Variants in CEP85 observed in about 807,000 individuals in gnomAD.
The protein encoded by CEP85 is centrosomal protein 85.
A neutral mutation model predicts 93.7 loss-of-function variants in CEP85; 58 were observed. The observed-to-expected ratio is 0.62, with a 90% CI of 0.50 to 0.77. The LOEUF is 0.77. Among genes scored for constraint, CEP85 ranks in the 30% least tolerant of loss-of-function variants. The pLI is 0.00. For synonymous variants in CEP85, 314 were observed against 338.6 expected, an observed-to-expected ratio of 0.93 and a Z score of 0.80; for missense variants, 868 against 922.0, an observed-to-expected ratio of 0.94 and a Z score of 0.76.
At chr1:26,264,808 G>GT (rs1473895945) in intron 7 of CEP85, among the ~76,000 whole-genome samples, 4 of 151,648 alleles carry the variant, frequency 2.6e-5, no homozygotes, top group Non-Finnish European at 4.4e-5. Context: ...TCTATACATA[G>GT]TTTTTTTTGT....
At chr1:26,260,320 G>A (rs976003057) in intron 7 of CEP85, among the ~76,000 whole-genome samples, 5 of 152,144 alleles carry the variant, frequency 3.3e-5, no homozygotes, top group South Asian at 2.1e-4. Flanking sequence ...GTGAAACCCC[G>A]TCTCTACTAA....
At position 26,258,182 on chromosome 1, in the gene CEP85, A is replaced by C; in HGVS notation, c.1077A>C (p.Arg359=). ...TCTCTCAGCTGGAGCAGAAAGTGCG[A>C]GAGAGCGAACTGCAAGTCCACAGTG... ...KHISQLEQKV[R]ESELQVHSAL... The change falls in exon 6 of 14, where the codon CGA becomes CGC. Residue 359 remains arginine (R), a synonymous_variant. Transcript: ENST00000451429. 6.2e-7 allele frequency: 1 copy of C among 1,614,178 alleles called. No homozygotes were observed. The highest frequency in any genetic ancestry group is 1.7e-5 in the Admixed American group (1 of 60,024).
At chr1:26,273,322 G>A (rs1189400983) in intron 11 of CEP85, among the ~76,000 whole-genome samples, 3 of 152,166 alleles carry the variant, frequency 2.0e-5, no homozygotes, top group African/African-American at 7.2e-5. Flanking sequence ...CACCCGAAAT[G>A]CACTCGTTTT....
At chr1:26,245,417 T>A (rs1243861282) in intron 3 of CEP85, among the ~76,000 whole-genome samples, 1 of 152,090 alleles carries the variant, frequency 6.6e-6, no homozygotes, top group African/African-American at 2.4e-5. Flanking sequence ...TCCTCTTGCC[T>A]TTCCTAGCTA....
intron 7 of CEP85, among the ~76,000 whole-genome samples, chr1:26,264,655 A>G (rs981328812): frequency 6.6e-6 from 1 of 152,188 alleles, no homozygotes; most frequent in African/African-American, 2.4e-5. Flanking sequence ...GGAATGCTCA[A>G]ATGTCAATCT....
chr1:26,277,179 G>A lies in CEP85; in HGVS notation c.2172G>A (p.Val724=), dbSNP rs2090066088. ...ETQLDLQKPD[V]IKRKLEEVQQ... ...AGCTAGATTTGCAGAAGCCAGATGT[G>A]ATCAAGAGGAAACTAGAAGAGGTTC... Residue 724 remains valine, a synonymous_variant, in exon 14 of 14, where the codon GTG becomes GTA. Coordinates refer to ENST00000451429, the MANE Select transcript of CEP85 (RefSeq NM_001319944.2). 1 of 1,614,054 alleles carries A rather than the reference G, an allele frequency of 6.2e-7. No individual in the cohort carries two copies. Among genetic ancestry groups the A allele is most frequent in the Non-Finnish European group, 8.5e-7 (1 of 1,180,004 alleles).
intron 3 of CEP85, among the ~76,000 whole-genome samples, chr1:26,251,957 G>C (rs568314751): frequency 6.6e-6 from 1 of 152,340 alleles, no homozygotes; most frequent in Non-Finnish European, 1.5e-5. Flanking sequence ...TTATGGTTAA[G>C]CACGGTGGCT....
intron 3 of CEP85, among the ~76,000 whole-genome samples, chr1:26,252,146 G>A (rs1190464541): frequency 1.3e-5 from 2 of 152,054 alleles, no homozygotes; most frequent in Non-Finnish European, 2.9e-5. Context: ...CAGAAGAGTC[G>A]CTTGAACCCA....
chr1:26,260,416 G>A (rs1323769782), intron 7 of CEP85, among the ~76,000 whole-genome samples: 1 of 151,902 alleles, frequency 6.6e-6, no homozygotes, highest in Non-Finnish European at 1.5e-5. Flanking sequence ...GCTTGAACCC[G>A]GGAGACAGAG....
At chr1:26,275,139 A>G (rs953659274) in intron 12 of CEP85, 68 bp downstream of exon 12, 2 of 1,161,020 alleles carry the variant, frequency 1.7e-6, no homozygotes, top group Non-Finnish European at 2.5e-6. Context: ...TGCCCTCCCC[A>G]TCTCTACCCC....
intron 1 of CEP85, among the ~76,000 whole-genome samples, chr1:26,238,179 T>G (rs1056462920): frequency 6.7e-6 from 1 of 149,746 alleles, no homozygotes; most frequent in African/African-American, 2.4e-5. Context: ...GATAGAATTA[T>G]GTTCTGTGAA....
chr1:26,254,480 A>G (rs1049337880), intron 3 of CEP85: 5 of 152,228 alleles, frequency 3.3e-5, no homozygotes, highest in South Asian at 2.1e-4. Flanking sequence ...GAAAGGCAAA[A>G]TATAAAATAG....
chr1:26,237,246 G>A (rs1191675584), intron 1 of CEP85, among the ~76,000 whole-genome samples: 1 of 152,032 alleles, frequency 6.6e-6, no homozygotes, highest in Non-Finnish European at 1.5e-5. Context: ...TTATGTGTGT[G>A]CAATTCAGAG....
intron 1 of CEP85, among the ~76,000 whole-genome samples, chr1:26,238,116 G>T (rs1165699731): frequency 6.7e-6 from 1 of 148,994 alleles, no homozygotes; most frequent in Non-Finnish European, 1.5e-5. Flanking sequence ...TACTATAGAG[G>T]TCACTAAAGT....
At chr1:26,245,833 GTAATTT>G (rs2089501027) in intron 3 of CEP85, among the ~76,000 whole-genome samples, 1 of 152,020 alleles carries the variant, frequency 6.6e-6, no homozygotes, top group South Asian at 2.1e-4. Flanking sequence ...ATCATATGTT[GTAATTT>G]TAAAACATCT....
chr1:26,260,659 TGTTAAA>T (rs2089793416), intron 7 of CEP85, among the ~76,000 whole-genome samples: 1 of 152,312 alleles, frequency 6.6e-6, no homozygotes, highest in Admixed American at 6.5e-5. Flanking sequence ...AGTTTAGTAA[TGTTAAA>T]GTTCTAGACC....
intron 12 of CEP85, 43 bp downstream of exon 12, chr1:26,275,114 C>A: frequency 6.9e-7 from 1 of 1,457,414 alleles, no homozygotes; most frequent in Non-Finnish European, 9.4e-7. Context: ...CCTCCACAAA[C>A]CCGATTTCTT....
intron 7 of CEP85, among the ~76,000 whole-genome samples, chr1:26,262,335 G>A (rs6674216): frequency 0.15 from 23,472 of 151,864 alleles, 2,095 homozygotes; most frequent in African/African-American, 0.23. Flanking sequence ...AAAATTAGCG[G>A]GGTATGGTGG....
At chr1:26,264,869 G>A (rs2089869136) in intron 7 of CEP85, among the ~76,000 whole-genome samples, 1 of 151,820 alleles carries the variant, frequency 6.6e-6, no homozygotes. Flanking sequence ...CTGGAGTGCA[G>A]TGTCACGATT....
Sources: gnomAD v4.1 joint callset for allele counts (sites outside exome capture counted in the v4.1 genomes callset) on GRCh38, gnomAD v4.1.1 for gene constraint, MANE v1.5 for transcripts, NCBI Gene and HGNC (gene_info 2026-07-23, HGNC 2026-07-21) for gene names.